The following COMMD1 variants were observed in gnomAD, a reference collection of about 807,000 sequenced individuals.
COMMD1 encodes the protein COMM domain-containing protein 1.
COMMD1 carries 10 observed loss-of-function variants against 17.2 expected under a neutral mutation model. That is an observed-to-expected ratio of 0.58 (90% confidence interval 0.36 to 0.99). COMMD1 has a LOEUF of 0.99. COMMD1 is among the 50% of genes least tolerant of loss of function. The pLI is 0.01. For synonymous variants in COMMD1, 97 were observed against 91.6 expected, an observed-to-expected ratio of 1.06 and a Z score of -0.34; for missense variants, 270 against 231.8, an observed-to-expected ratio of 1.17 and a Z score of -1.07.
rs1173817541 is a variant in COMMD1 at position 61,979,876 on chromosome 2, C to T, written c.181-20825C>T. Reference sequence around the variant, plus strand: ...ATGTGTCATCTAGCATTAGGTATATCTCCCAATGCTATCCCTCCCCCCTCC... The same window carrying T: ...ATGTGTCATCTAGCATTAGGTATATTTCCCAATGCTATCCCTCCCCCCTCC... On this transcript the variant is annotated intron_variant, in intron 1 of 2. Coordinates refer to ENST00000311832, the MANE Select transcript of COMMD1 (RefSeq NM_152516.4). 1.8e-3 allele frequency among the ~76,000 whole-genome samples: 227 copies of T among 128,978 alleles called. 2 individuals carry two copies. The highest frequency in any genetic ancestry group is 6.1e-3 in the African/African-American group (204 of 33,510). The allele number at this position is 128,978 out of a possible 152,430, so 84.6% of individuals were successfully genotyped here.
At chr2:62,005,368 C>G (rs1303688541) in intron 2 of COMMD1, among the ~76,000 whole-genome samples, 2 of 152,202 alleles carry the variant, frequency 1.3e-5, no homozygotes, top group African/African-American at 2.4e-5. Flanking sequence ...ATTTCCCTCA[C>G]TCCCTATTTA....
rs554894879 is a variant in COMMD1 at position 61,979,567 on chromosome 2, G to C, written c.181-21134G>C. Among the ~76,000 whole-genome samples the C allele has an allele frequency of 2.6e-4, 40 of 152,180 alleles. No homozygotes were observed. The South Asian group carries it at 8.3e-3, about 32-fold the overall frequency. ...AAAGAAACAAAATCAGGATATCGAA[G>C]AGATATCTGCACTCCCATGTGAGCC... is the stretch of plus-strand genomic sequence containing the variant. On this transcript the variant is annotated intron_variant, in intron 1 of 2. Transcript: ENST00000311832.
intron 1 of COMMD1, among the ~76,000 whole-genome samples, chr2:61,911,692 C>A (rs1669912234): frequency 6.6e-6 from 1 of 152,174 alleles, no homozygotes; most frequent in Non-Finnish European, 1.5e-5. Flanking sequence ...CTGTTCCACT[C>A]CTGCCCTCTA....
intron 2 of COMMD1, among the ~76,000 whole-genome samples, chr2:62,070,928 G>A (rs184343934): frequency 9.8e-5 from 15 of 152,304 alleles, no homozygotes; most frequent in South Asian, 4.1e-4. Flanking sequence ...CTGCTTGGGA[G>A]GCTGAGGCAG....
intron 1 of COMMD1, among the ~76,000 whole-genome samples, chr2:61,967,352 A>C (rs995105173): frequency 6.6e-6 from 1 of 152,180 alleles, no homozygotes; most frequent in African/African-American, 2.4e-5. Context: ...TTTTTCCATG[A>C]AAGTTTCTAA....
At chr2:62,006,319 A>T (rs1269434258) in intron 2 of COMMD1, among the ~76,000 whole-genome samples, 1 of 152,010 alleles carries the variant, frequency 6.6e-6, no homozygotes, top group Non-Finnish European at 1.5e-5. Context: ...CACATTGTGC[A>T]CATGTACCCT....
intron 2 of COMMD1, among the ~76,000 whole-genome samples, chr2:62,128,621 C>A (rs773994649): frequency 2.0e-5 from 3 of 152,126 alleles, no homozygotes; most frequent in Non-Finnish European, 4.4e-5. Flanking sequence ...CCCTCCTTCC[C>A]TTCCTTGCAT....
chr2:62,022,074 A>G (rs558195016), intron 2 of COMMD1, among the ~76,000 whole-genome samples: 1 of 152,276 alleles, frequency 6.6e-6, no homozygotes, highest in East Asian at 1.9e-4. Flanking sequence ...ACCCCTATGT[A>G]GATCTTATAT....
chr2:62,133,549 GAAA>G (rs547044702), intron 2 of COMMD1, among the ~76,000 whole-genome samples: 1 of 116,384 alleles, frequency 8.6e-6, no homozygotes. Context: ...AAGCTTAACA[GAAA>G]AAAAAAAAAA....
At chr2:62,044,033 A>G (rs1275582532) in intron 2 of COMMD1, among the ~76,000 whole-genome samples, 1 of 152,202 alleles carries the variant, frequency 6.6e-6, no homozygotes, top group Non-Finnish European at 1.5e-5. Flanking sequence ...CACAAAAATC[A>G]TGATCCTCAT....
chr2:62,036,520 A>G (rs1029511399), intron 2 of COMMD1, among the ~76,000 whole-genome samples: 1 of 152,214 alleles, frequency 6.6e-6, no homozygotes, highest in African/African-American at 2.4e-5. Context: ...AGGATATGGT[A>G]TTAGGTATAA....
At chr2:62,122,662 A>T (rs2104078538) in intron 2 of COMMD1, among the ~76,000 whole-genome samples, 1 of 152,370 alleles carries the variant, frequency 6.6e-6, no homozygotes, top group South Asian at 2.1e-4. Context: ...TTCCTTTCAG[A>T]AACAAGGCAG....
chr2:61,968,200 A>G (rs913269016), intron 1 of COMMD1, among the ~76,000 whole-genome samples: 2 of 152,118 alleles, frequency 1.3e-5, no homozygotes, highest in African/African-American at 2.4e-5. Flanking sequence ...GGTGCCAAAC[A>G]TAGTCTATAG....
rs1672341718 is a variant in COMMD1, at chr2:62,107,067, T to C, written c.463-28764T>C. On this transcript the variant is annotated intron_variant, in intron 2 of 2. Coordinates refer to ENST00000311832, the MANE Select transcript of COMMD1 (RefSeq NM_152516.4). ...TCACCACTTCAAGCCATACTGAGTA[T>C]TACCACCAGGTTAGTGTTCCTTAAA... 2.0e-5 allele frequency among the ~76,000 whole-genome samples: 3 copies of C among 152,300 alleles called. No individual in the cohort carries two copies. The East Asian group carries it at 5.8e-4, about 29-fold the overall frequency.
intron 2 of COMMD1, among the ~76,000 whole-genome samples, chr2:62,021,226 A>AT (rs969751579): frequency 2.6e-5 from 4 of 151,992 alleles, no homozygotes; most frequent in African/African-American, 9.7e-5. Flanking sequence ...TTGTTTTAGT[A>AT]TTTTTTGCGT....
intron 1 of COMMD1, among the ~76,000 whole-genome samples, chr2:61,940,591 T>A (rs912262731): frequency 6.6e-5 from 10 of 152,222 alleles, no homozygotes; most frequent in African/African-American, 2.4e-4. Flanking sequence ...AAATGTCAGC[T>A]TTCTCATGAT....
At chr2:62,027,126 T>TG (rs1455655639) in intron 2 of COMMD1, among the ~76,000 whole-genome samples, 1 of 152,198 alleles carries the variant, frequency 6.6e-6, no homozygotes, top group African/African-American at 2.4e-5. Flanking sequence ...AGCCTAAAAG[T>TG]GTAAATCCCA....
At chr2:61,955,955 G>A (rs1479083210) in intron 1 of COMMD1, among the ~76,000 whole-genome samples, 2 of 152,206 alleles carry the variant, frequency 1.3e-5, no homozygotes, top group African/African-American at 4.8e-5. Context: ...CCAAAGTGCT[G>A]GGATCACAGG....
chr2:61,906,852 T>G (rs1396359969), intron 1 of COMMD1, among the ~76,000 whole-genome samples: 1 of 152,232 alleles, frequency 6.6e-6, no homozygotes, highest in Non-Finnish European at 1.5e-5. Flanking sequence ...GTGTTGAAAT[T>G]TAATCCACTA....
Sources: allele counts gnomAD v4.1 joint callset (sites outside exome capture counted in the v4.1 genomes callset), GRCh38; gene constraint gnomAD v4.1.1; transcripts MANE v1.5; gene names NCBI Gene and HGNC (gene_info 2026-07-23, HGNC 2026-07-21).